Variants in FKBP5 observed in about 807,000 individuals in gnomAD.
FKBP5 encodes FKBP prolyl isomerase 5, also known as peptidyl-prolyl cis-trans isomerase FKBP5.
A neutral mutation model predicts 50.5 loss-of-function variants in FKBP5; 23 were observed. The ratio of observed to expected loss-of-function variants is 0.46; its 90% CI spans 0.33 to 0.65. The LOEUF is 0.65. FKBP5 is among the 30% of genes least tolerant of loss of function. FKBP5 has a pLI of 0.02. For synonymous variants in FKBP5, 176 were observed against 190.6 expected (o/e 0.92, Z 0.63); for missense variants, 411 against 553.1 (o/e 0.74, Z 2.58).
intron 2 of FKBP5, among the ~76,000 whole-genome samples, chr6:35,697,959 C>T (rs1766112755): frequency 1.3e-5 from 2 of 152,202 alleles, no homozygotes; most frequent in South Asian, 2.1e-4. Flanking sequence ...TTTGCTTACT[C>T]CTGGCTTTAA....
chr6:35,684,132 A>G (rs1324929753), intron 1 of FKBP5, among the ~76,000 whole-genome samples: 2 of 151,792 alleles, frequency 1.3e-5, no homozygotes, highest in East Asian at 3.9e-4. Context: ...TTAAAAACCC[A>G]TTATTTCACT....
chr6:35,602,296 A>G (rs1238967416), intron 5 of FKBP5, among the ~76,000 whole-genome samples: 1 of 152,164 alleles, frequency 6.6e-6, no homozygotes, highest in African/African-American at 2.4e-5. Context: ...AAAGCTGTAA[A>G]TGCTCCAGCC....
At chr6:35,684,918 C>T (rs1434343318) in intron 1 of FKBP5, among the ~76,000 whole-genome samples, 1 of 151,854 alleles carries the variant, frequency 6.6e-6, no homozygotes, top group Non-Finnish European at 1.5e-5. Flanking sequence ...GCCTGTAACC[C>T]CAGCTACTTG....
chr6:35,622,238 G>C (rs1315144731), intron 3 of FKBP5, among the ~76,000 whole-genome samples: 1 of 152,164 alleles, frequency 6.6e-6, no homozygotes, highest in Non-Finnish European at 1.5e-5. Context: ...GCCAGGAATA[G>C]TGGCTCATAC....
At chr6:35,726,698 C>T (rs544335642) in intron 1 of FKBP5, among the ~76,000 whole-genome samples, 2 of 152,254 alleles carry the variant, frequency 1.3e-5, no homozygotes, top group South Asian at 4.1e-4. Context: ...CACCTGCTGG[C>T]TTGGGTTATT....
chr6:35,670,693 C>G (rs887960048), intron 1 of FKBP5, among the ~76,000 whole-genome samples: 1 of 150,088 alleles, frequency 6.7e-6, no homozygotes, highest in Non-Finnish European at 1.5e-5. Context: ...GATCGTGCCA[C>G]TGCACTCCAG....
chr6:35,636,072 T>C (rs543262730), intron 3 of FKBP5, among the ~76,000 whole-genome samples: 6 of 152,374 alleles, frequency 3.9e-5, no homozygotes, highest in Non-Finnish European at 7.3e-5. Context: ...TATTCACACA[T>C]GATCTTGTAA....
intron 2 of FKBP5, among the ~76,000 whole-genome samples, chr6:35,638,471 T>C (rs1194962393): frequency 1.3e-5 from 2 of 152,190 alleles, no homozygotes; most frequent in African/African-American, 4.8e-5. Flanking sequence ...CTAGAGTGCA[T>C]GCGGTGGTAC....
At chr6:35,689,252 C>G (rs1765934683), upstream of FKBP5, among the ~76,000 whole-genome samples, 1 of 152,186 alleles carries the variant, frequency 6.6e-6, no homozygotes, top group African/African-American at 2.4e-5. Flanking sequence ...TAGTTGACTT[C>G]CCATCTGTAT....
At chr6:35,579,826 C>CA in intron 9 of FKBP5, among the ~76,000 whole-genome samples, 1 of 152,100 alleles carries the variant, frequency 6.6e-6, no homozygotes, top group Admixed American at 6.5e-5. Context: ...TTATGATAAA[C>CA]AGTCTAGGTA....
intron 1 of FKBP5, among the ~76,000 whole-genome samples, chr6:35,679,321 G>A (rs1047243962): frequency 5.3e-5 from 8 of 152,074 alleles, no homozygotes; most frequent in African/African-American, 1.9e-4. Flanking sequence ...CAAAATTCTG[G>A]CAGATACTTT....
chr6:35,581,206 A>T (rs1003292122), intron 8 of FKBP5: 14 of 978,240 alleles, frequency 1.4e-5, no homozygotes, highest in Non-Finnish European at 1.6e-5. Context: ...ATAAATAACA[A>T]CTATAAAACA....
intron 1 of FKBP5, among the ~76,000 whole-genome samples, chr6:35,671,829 C>T (rs1189054941): frequency 1.3e-5 from 2 of 151,946 alleles, no homozygotes; most frequent in African/African-American, 4.8e-5. Flanking sequence ...CCTACACACA[C>T]AAACTCAGCC....
At chr6:35,727,146 G>A (rs1272064910) in intron 1 of FKBP5, among the ~76,000 whole-genome samples, 1 of 152,222 alleles carries the variant, frequency 6.6e-6, no homozygotes, top group East Asian at 1.9e-4. Context: ...GTGGAGGTGG[G>A]AAGGAGGGAG....
intron 1 of FKBP5, among the ~76,000 whole-genome samples, chr6:35,685,839 G>A (rs1041069738): frequency 5.9e-5 from 9 of 151,964 alleles, no homozygotes; most frequent in Admixed American, 2.6e-4. Context: ...AAAATTAGCC[G>A]GACATGGTGG....
At chr6:35,608,721 C>T (rs1561856169) in intron 5 of FKBP5, among the ~76,000 whole-genome samples, 2 of 152,146 alleles carry the variant, frequency 1.3e-5, no homozygotes, top group African/African-American at 2.4e-5. Context: ...TAATCTTAGA[C>T]AATTTTGCCT....
intron 1 of FKBP5, among the ~76,000 whole-genome samples, chr6:35,682,061 T>C (rs1363673609): frequency 7.8e-6 from 1 of 128,228 alleles, no homozygotes; most frequent in Non-Finnish European, 1.5e-5. Flanking sequence ...CCATGTAAAT[T>C]ACCCTGTTAG....
intron 8 of FKBP5, chr6:35,581,720 G>T: frequency 1.0e-6 from 1 of 985,500 alleles, no homozygotes; most frequent in Non-Finnish European, 1.2e-6. Context: ...AGGAGTACAA[G>T]TGGGGATTCT....
upstream of FKBP5, among the ~76,000 whole-genome samples, chr6:35,693,160 TCTC>T (rs1382953473): frequency 6.4e-4 from 62 of 96,830 alleles, no homozygotes; most frequent in African/African-American, 1.9e-3. Flanking sequence ...CTTTTCTCTC[TCTC>T]TTTTTTTTTT....
Sources: gnomAD v4.1 joint callset for allele counts (sites outside exome capture counted in the v4.1 genomes callset) on GRCh38, gnomAD v4.1.1 for gene constraint, MANE v1.5 for transcripts, NCBI Gene and HGNC (gene_info 2026-07-23, HGNC 2026-07-21) for gene names.